The following UBN2 variants were observed in gnomAD, a reference collection of about 807,000 sequenced individuals.
UBN2 encodes the protein ubinuclein-2.
A neutral mutation model predicts 120.2 loss-of-function variants in UBN2; 35 were observed. The ratio of observed to expected loss-of-function variants is 0.29; its 90% CI spans 0.22 to 0.39. The LOEUF (loss-of-function observed/expected upper bound fraction) is 0.39, where lower values mean the gene tolerates loss of function less well. UBN2 is among the 10% of genes least tolerant of loss of function. UBN2 has a pLI of 1.00. For synonymous variants in UBN2, 661 were observed against 648.7 expected (o/e 1.02, Z -0.29); for missense variants, 1,693 against 1,663.2 (o/e 1.02, Z -0.31).
At chr7:139,250,669 T>C (rs752445413) in intron 2 of UBN2, among the ~76,000 whole-genome samples, 7 of 152,154 alleles carry the variant, frequency 4.6e-5, no homozygotes, top group Non-Finnish European at 7.4e-5. Flanking sequence ...TCTGAAGTTA[T>C]CTAAACTAGG....
chr7:139,265,515 A>G (rs747367556), intron 6 of UBN2, among the ~76,000 whole-genome samples: 2 of 152,204 alleles, frequency 1.3e-5, no homozygotes, highest in East Asian at 1.9e-4. Context: ...CTTACAAAAG[A>G]TATCCATATT....
chr7:139,263,966 A>G (rs889478701), intron 6 of UBN2, among the ~76,000 whole-genome samples: 7 of 152,178 alleles, frequency 4.6e-5, no homozygotes, highest in Non-Finnish European at 7.4e-5. Flanking sequence ...TTTTACTCAA[A>G]GGAAATCTAT....
rs747342378 is a variant in UBN2 at position 139,272,329 on chromosome 7, G to T, written c.1604G>T (p.Arg535Leu). The change falls in exon 9 of 18, where the codon CGT (arginine) becomes CTT (leucine). Residue 535 changes from arginine (R) to leucine (L), a missense_variant. This residue lies in a region of UBN2 where 178 missense variants were observed against 204.0 expected (regional missense o/e 0.87). Coordinates refer to ENST00000473989, the MANE Select transcript of UBN2 (RefSeq NM_173569.4). Reference sequence around the variant, plus strand: ...GTATGTTTTTCTTTTTAGGATGATCGTTTAAGAGAACCTCTGCAAAAACTG... The same window carrying T: ...GTATGTTTTTCTTTTTAGGATGATCTTTTAAGAGAACCTCTGCAAAAACTG... Reference protein sequence around the residue: ...KKLHLNVQDDRLREPLQKLKL... With the variant: ...KKLHLNVQDDLLREPLQKLKL... The T allele has an allele frequency of 1.1e-5, 18 of 1,609,110 alleles. No individual in the cohort carries two copies. Among genetic ancestry groups the T allele is most frequent in the African/African-American group, 2.7e-5 (2 of 74,630 alleles).
intron 3 of UBN2, among the ~76,000 whole-genome samples, chr7:139,256,804 C>T (rs776621710): frequency 7.9e-5 from 12 of 152,038 alleles, no homozygotes; most frequent in African/African-American, 2.2e-4. Context: ...TCAAGTAGAA[C>T]GATAAGAAAG....
chr7:139,274,106 AT>A, intron 11 of UBN2, 32 bp downstream of exon 11: 1 of 1,552,806 alleles, frequency 6.4e-7, no homozygotes, highest in Non-Finnish European at 8.6e-7. Flanking sequence ...ATTTTATTTT[AT>A]TTTATTATTA....
rs974084295 is a variant in UBN2, at chr7:139,302,058, C to G, written c.*4222C>G. ...TTATATTACTCCTCTAAAACATGCT[C>G]AATTCAGGCCTTTGTCTTTGTTAAG... is the stretch of plus-strand genomic sequence containing the variant. On this transcript the variant is annotated 3_prime_UTR_variant, in exon 18 of 18. Transcript: ENST00000473989. 1 of 152,144 alleles carries G rather than the reference C, an allele frequency of 6.6e-6. No homozygotes were observed. Among genetic ancestry groups the G allele is most frequent in the Non-Finnish European group, 1.5e-5 (1 of 68,034 alleles). 9.4% of individuals were successfully genotyped at this position (152,144 alleles called of 1,614,324 possible). A position where few individuals can be genotyped will look rare whatever the true frequency, so the allele number is the denominator to read the frequency against.
chr7:139,315,927 A>G, the UBN2 span, among the ~76,000 whole-genome samples: 3 of 151,960 alleles, frequency 2.0e-5, no homozygotes, highest in Admixed American at 2.0e-4. Flanking sequence ...AAACACAAAA[A>G]TTAGCCGGGC....
At chr7:139,290,691 A>G (rs946914328) in intron 15 of UBN2, among the ~76,000 whole-genome samples, 1 of 152,244 alleles carries the variant, frequency 6.6e-6, no homozygotes, top group Non-Finnish European at 1.5e-5. Context: ...ATGAGAGGCC[A>G]GAACTATGGA....
chr7:139,278,826 A>T (rs1377594307), intron 12 of UBN2, among the ~76,000 whole-genome samples: 1 of 152,088 alleles, frequency 6.6e-6, no homozygotes, highest in African/African-American at 2.4e-5. Context: ...TTCATCTTCA[A>T]ACTTTTTCTT....
chr7:139,269,596 C>T lies in UBN2; in HGVS notation c.1596+73C>T. The T allele has an allele frequency of 4.0e-6, 6 of 1,500,118 alleles. No individual in the cohort carries two copies. In the South Asian group the frequency reaches 7.4e-5, roughly 18 times the overall value. 92.9% of individuals were successfully genotyped at this position (1,500,118 alleles called of 1,614,324 possible). A position where few individuals can be genotyped will look rare whatever the true frequency, so the allele number is the denominator to read the frequency against. On this transcript the variant is annotated intron_variant, in intron 8 of 17. Coordinates refer to ENST00000473989, the MANE Select transcript of UBN2 (RefSeq NM_173569.4). Reference sequence around the variant, plus strand: ...AAAGATACTTGTTTCTGTTTGGGGCCTTTGCACATTAATTGATTTATAGTC... The same window carrying T: ...AAAGATACTTGTTTCTGTTTGGGGCTTTTGCACATTAATTGATTTATAGTC...
chr7:139,247,735 T>C (rs1001103253), intron 2 of UBN2, among the ~76,000 whole-genome samples: 3 of 152,202 alleles, frequency 2.0e-5, no homozygotes, highest in African/African-American at 7.2e-5. Flanking sequence ...ATTTTTTTTC[T>C]TTCTAGCTGT....
At chr7:139,280,505 T>A (rs1386242757) in intron 13 of UBN2, among the ~76,000 whole-genome samples, 1 of 152,168 alleles carries the variant, frequency 6.6e-6, no homozygotes, top group Non-Finnish European at 1.5e-5. Flanking sequence ...TGGTTTTTGT[T>A]GTTGTTGTTG....
the UBN2 span, among the ~76,000 whole-genome samples, chr7:139,318,388 G>A: frequency 2.0e-5 from 3 of 152,132 alleles, no homozygotes; most frequent in South Asian, 4.1e-4. Flanking sequence ...TGCAGTTTAC[G>A]GTTTTTTACT....
chr7:139,234,402 C>T (rs1231370739), intron 1 of UBN2, among the ~76,000 whole-genome samples: 1 of 152,080 alleles, frequency 6.6e-6, no homozygotes, highest in African/African-American at 2.4e-5. Flanking sequence ...CCCTGATTTA[C>T]TGGAACATAA....
At position 139,231,454 on chromosome 7, in the gene UBN2, C is replaced by A. The variant is rs1483091400; in HGVS notation, c.-31C>A. On this transcript the variant is annotated 5_prime_UTR_variant, in exon 1 of 18. An upstream open reading frame in the 5' UTR gains an earlier in-frame stop. Coordinates refer to ENST00000473989, the MANE Select transcript of UBN2 (RefSeq NM_173569.4). ...CGCGCCGTAGAAGCGAGCGCCGGCTCGAGCAAAAGCGGAGGGCCAGAACAG... is the reference window on the plus strand; with the variant it reads ...CGCGCCGTAGAAGCGAGCGCCGGCTAGAGCAAAAGCGGAGGGCCAGAACAG... 1.5e-6 allele frequency: 2 copies of A among 1,295,208 alleles called. No homozygotes were observed. Among genetic ancestry groups the A allele is most frequent in the South Asian group, 4.6e-5 (2 of 43,766 alleles). The allele number at this position is 1,295,208 out of a possible 1,614,324, so 80.2% of individuals were successfully genotyped here. A position where few individuals can be genotyped will look rare whatever the true frequency, so the allele number is the denominator to read the frequency against.
chr7:139,238,831 T>C (rs907009025), intron 2 of UBN2, among the ~76,000 whole-genome samples: 1 of 152,192 alleles, frequency 6.6e-6, no homozygotes, highest in Non-Finnish European at 1.5e-5. Flanking sequence ...GACTGGTGGG[T>C]GTTTAAATAG....
chr7:139,319,910 A>C, the UBN2 span, among the ~76,000 whole-genome samples: 14 of 152,142 alleles, frequency 9.2e-5, no homozygotes, highest in African/African-American at 3.1e-4. Context: ...CCCCGTCTCT[A>C]CTAAAAATAC....
chr7:139,311,438 C>A (rs957202398), downstream of UBN2, among the ~76,000 whole-genome samples: 2 of 152,208 alleles, frequency 1.3e-5, no homozygotes, highest in African/African-American at 2.4e-5. Context: ...TGACAGCAGA[C>A]AGACGGGTTC....
chr7:139,324,571 A>AAAAG, the UBN2 span, among the ~76,000 whole-genome samples: 1 of 137,478 alleles, frequency 7.3e-6, no homozygotes, highest in Non-Finnish European at 1.6e-5. Context: ...AAAAAAAAAA[A>AAAAG]AAAAGAAAAA....
Sources: allele counts gnomAD v4.1 joint callset (sites outside exome capture counted in the v4.1 genomes callset), GRCh38; gene constraint gnomAD v4.1.1; regional missense constraint gnomAD v4.1.1; transcripts MANE v1.5; gene names NCBI Gene and HGNC (gene_info 2026-07-23, HGNC 2026-07-21).